The following CHRM3 variants were observed in gnomAD, a reference collection of about 807,000 sequenced individuals.
CHRM3 encodes the protein muscarinic acetylcholine receptor M3.
Under a neutral mutation model 41.8 loss-of-function variants are expected in CHRM3, and 11 were observed. The observed-to-expected ratio is 0.26, with a 90% confidence interval of 0.17 to 0.44. The LOEUF (loss-of-function observed/expected upper bound fraction) is 0.44, where lower values mean the gene tolerates loss of function less well. Ranked by LOEUF, CHRM3 falls within the 20% of genes least tolerant of loss-of-function variation. The probability of loss-of-function intolerance (pLI) is 1.00; values close to 1 mark genes in which losing one functional copy is unlikely to be tolerated. For synonymous variants in CHRM3, 297 were observed against 301.4 expected (o/e 0.99, Z 0.15); for missense variants, 571 against 745.4 (o/e 0.77, Z 2.72).
chr1:239,489,050 A>T (rs1667382032), intron 1 of CHRM3, among the ~76,000 whole-genome samples: 1 of 152,310 alleles, frequency 6.6e-6, no homozygotes, highest in South Asian at 2.1e-4. Flanking sequence ...AGGATTTTCA[A>T]ACTTCTCCTC....
chr1:239,398,450 G>C (rs928790521), intron 1 of CHRM3, among the ~76,000 whole-genome samples: 1 of 151,980 alleles, frequency 6.6e-6, no homozygotes, highest in Non-Finnish European at 1.5e-5. Context: ...TGGTCAGGCT[G>C]GTCTCGAACT....
intron 4 of CHRM3, among the ~76,000 whole-genome samples, chr1:239,634,815 G>C (rs1473663795): frequency 3.3e-5 from 5 of 152,108 alleles, no homozygotes; most frequent in African/African-American, 1.2e-4. Flanking sequence ...AAAATCTTTT[G>C]GCTGGAAAAT....
rs199592460 is a variant in CHRM3, at chr1:239,785,174, GA to G, written c.-146-42077del. ...TGGCATAAATAGGACCAGGAAGGCA[GA>G]GGGAAGCCTTCCAACCACTGCAGTG... On this transcript the variant is annotated intron_variant, in intron 5 of 6. Transcript: ENST00000676153. Among the ~76,000 whole-genome samples the G allele has an allele frequency of 9.5e-3, 1,442 of 152,286 alleles. 22 individuals are homozygous for G. Among genetic ancestry groups the G allele is most frequent in the African/African-American group, 0.033 (1,388 of 41,550 alleles).
chr1:239,637,749 TTTTC>T (rs1670639454), intron 4 of CHRM3, among the ~76,000 whole-genome samples: 1 of 149,176 alleles, frequency 6.7e-6, no homozygotes. Context: ...TCTTTGTGAA[TTTTC>T]TTTTTTTTAA....
At chr1:239,734,188 A>G (rs1664208752) in intron 5 of CHRM3, among the ~76,000 whole-genome samples, 2 of 152,074 alleles carry the variant, frequency 1.3e-5, no homozygotes, top group African/African-American at 4.8e-5. Flanking sequence ...TTTACCACTT[A>G]AGGGAAATAA....
At chr1:239,632,450 C>T (rs1452517019) in intron 4 of CHRM3, among the ~76,000 whole-genome samples, 164 bp downstream of exon 4, 1 of 152,072 alleles carries the variant, frequency 6.6e-6, no homozygotes, top group Non-Finnish European at 1.5e-5. Context: ...CTTAATAAAG[C>T]TAAGTGTGTT....
chr1:239,552,352 T>C (rs1024556313), intron 3 of CHRM3, among the ~76,000 whole-genome samples: 5 of 148,148 alleles, frequency 3.4e-5, no homozygotes, highest in African/African-American at 1.2e-4. Flanking sequence ...ATATTTTATA[T>C]ATGTATAGAT....
Position 239,810,764 on chromosome 1 carries a change from T to C in CHRM3, c.-146-16488T>C, listed in dbSNP as rs190700268. 2.6e-5 allele frequency among the ~76,000 whole-genome samples: 4 copies of C among 152,386 alleles called. 1 individual carries two copies. In the East Asian group the frequency reaches 7.7e-4, roughly 29 times the overall value. ...ATGAGGTTGAACTATTTAGTTGTGA[T>C]TAAACACTGCTACCTGTTTATCAAC... is the stretch of plus-strand genomic sequence containing the variant. On this transcript the variant is annotated intron_variant, in intron 5 of 6. Transcript: ENST00000676153.
intron 5 of CHRM3, among the ~76,000 whole-genome samples, chr1:239,732,048 C>T (rs1378974433): frequency 2.0e-5 from 3 of 151,944 alleles, no homozygotes; most frequent in African/African-American, 7.2e-5. Context: ...TAAAAATGCC[C>T]AGCCCCATAC....
chr1:239,427,638 G>A (rs569558991), intron 1 of CHRM3, among the ~76,000 whole-genome samples: 1 of 152,168 alleles, frequency 6.6e-6, no homozygotes, highest in Admixed American at 6.5e-5. Flanking sequence ...CCAGGGCAGG[G>A]TCAAGAAGGG....
intron 1 of CHRM3, among the ~76,000 whole-genome samples, chr1:239,407,417 T>TATATATATATATATATATATATAG: frequency 2.2e-5 from 3 of 134,214 alleles, no homozygotes; most frequent in Non-Finnish European, 5.1e-5. Context: ...TATATATATA[T>TATATATATATATATATATATATAG]AGAGAGAGAG....
Position 239,829,328 on chromosome 1 carries a change from G to C in CHRM3, c.-20+1950G>C, listed in dbSNP as rs528360064. Reference sequence around the variant, plus strand: ...AAGCTATAGTATTGGTGTCAGTTTGGTCAAAGATTTTCCCAGTTGGTACAG... The same window carrying C: ...AAGCTATAGTATTGGTGTCAGTTTGCTCAAAGATTTTCCCAGTTGGTACAG... On this transcript the variant is annotated intron_variant, in intron 6 of 6. Transcript: ENST00000676153. Among the ~76,000 whole-genome samples, 3 of 152,036 alleles carry C rather than the reference G, an allele frequency of 2.0e-5. No individual in the cohort carries two copies. In the South Asian group the frequency reaches 6.2e-4, roughly 32 times the overall value.
chr1:239,775,246 T>G (rs1258213938), intron 5 of CHRM3, among the ~76,000 whole-genome samples: 1 of 152,176 alleles, frequency 6.6e-6, no homozygotes, highest in Non-Finnish European at 1.5e-5. Flanking sequence ...ACATTCATGT[T>G]AATAATAAGT....
intron 6 of CHRM3, among the ~76,000 whole-genome samples, chr1:239,842,210 CTT>C (rs11294705): frequency 0.017 from 2,130 of 127,988 alleles, 72 homozygotes; most frequent in Admixed American, 0.1. Flanking sequence ...ACATGTACTT[CTT>C]TTTTTTTTTT....
At chr1:239,815,990 G>A (rs1671547317) in intron 5 of CHRM3, among the ~76,000 whole-genome samples, 1 of 152,030 alleles carries the variant, frequency 6.6e-6, no homozygotes, top group African/African-American at 2.4e-5. Context: ...ATACATTTCA[G>A]TCTGGTTTGT....
intron 6 of CHRM3, among the ~76,000 whole-genome samples, chr1:239,832,556 T>G (rs965148443): frequency 6.6e-6 from 1 of 151,944 alleles, no homozygotes; most frequent in African/African-American, 2.4e-5. Flanking sequence ...TTGGATCTCG[T>G]GCAAGGAAGA....
chr1:239,627,104 T>C (rs1447769472), intron 3 of CHRM3, among the ~76,000 whole-genome samples: 1 of 108,540 alleles, frequency 9.2e-6, no homozygotes, highest in East Asian at 2.6e-4. Context: ...CAGTGGGGTG[T>C]TAAAGTCTCC....
intron 4 of CHRM3, among the ~76,000 whole-genome samples, chr1:239,637,451 G>C (rs1463448997): frequency 6.8e-6 from 1 of 146,336 alleles, no homozygotes; most frequent in African/African-American, 2.5e-5. Context: ...GAAATTCCTT[G>C]ATCAAATGGT....
At chr1:239,880,830 G>C (rs1572576993) in intron 6 of CHRM3, among the ~76,000 whole-genome samples, 1 of 152,052 alleles carries the variant, frequency 6.6e-6, no homozygotes, top group African/African-American at 2.4e-5. Flanking sequence ...CTAGAAGCAA[G>C]CAACTAAAAG....
Sources: allele counts gnomAD v4.1 joint callset (sites outside exome capture counted in the v4.1 genomes callset), GRCh38; gene constraint gnomAD v4.1.1; transcripts MANE v1.5; gene names NCBI Gene and HGNC (gene_info 2026-07-23, HGNC 2026-07-21).